Variants in PDE9A observed in about 807,000 individuals in gnomAD.
The protein encoded by PDE9A is high affinity cGMP-specific 3',5'-cyclic phosphodiesterase 9A.
A neutral mutation model predicts 87.4 loss-of-function variants in PDE9A; 60 were observed. The observed-to-expected ratio is 0.69, with a 90% confidence interval of 0.56 to 0.85. The LOEUF (loss-of-function observed/expected upper bound fraction) is 0.85. Among genes scored for constraint, PDE9A ranks in the 40% least tolerant of loss-of-function variants. The pLI is 0.00. For synonymous variants in PDE9A, 272 were observed against 279.4 expected, an observed-to-expected ratio of 0.97 and a Z score of 0.27; for missense variants, 665 against 779.0, an observed-to-expected ratio of 0.85 and a Z score of 1.74.
In PDE9A at chr21:42,744,095, G is replaced by A. The variant is rs1028055843; in HGVS notation, c.653+235G>A. Among the ~76,000 whole-genome samples, 8 of 152,358 alleles carry A rather than the reference G, an allele frequency of 5.3e-5. No homozygotes were observed. In the East Asian group the frequency reaches 1.2e-3, roughly 22 times the overall value. ...GGGCCGGGTGTGGTGGCTCACGCCT[G>A]TAATCCCAGCACTTTGGGAGGCCGA... On this transcript the variant is annotated intron_variant, in intron 8 of 19. Coordinates refer to ENST00000291539, the MANE Select transcript of PDE9A (RefSeq NM_002606.3).
chr21:42,731,694 G>A, intron 4 of PDE9A, 76 bp from the exon 5 acceptor site: 1 of 1,401,362 alleles, frequency 7.1e-7, no homozygotes, highest in South Asian at 1.3e-5. Context: ...CCCAGTAATT[G>A]CCCCCATAAA....
chr21:42,655,141 C>T (rs1288207073), intron 1 of PDE9A, among the ~76,000 whole-genome samples: 2 of 150,886 alleles, frequency 1.3e-5, no homozygotes, highest in Non-Finnish European at 2.9e-5. Flanking sequence ...CTCACACATC[C>T]ACTCACAAAC....
At chr21:42,721,464 G>T (rs989017666) in intron 4 of PDE9A, among the ~76,000 whole-genome samples, 1 of 152,212 alleles carries the variant, frequency 6.6e-6, no homozygotes, top group African/African-American at 2.4e-5. Flanking sequence ...CAATCCCTTG[G>T]CAGGCAGGAC....
rs564858622 is a variant in PDE9A, at chr21:42,760,734, C to T, written c.1003-91C>T. Reference sequence around the variant, plus strand: ...GATGGCTGCAGGGGCCTTTGTCCCCCGCTTACCACTCACCCAATTCCACCC... The same window carrying T: ...GATGGCTGCAGGGGCCTTTGTCCCCTGCTTACCACTCACCCAATTCCACCC... On this transcript the variant is annotated intron_variant, in intron 12 of 19. Coordinates refer to ENST00000291539, the MANE Select transcript of PDE9A (RefSeq NM_002606.3). The surrounding 1 kb of genome is among the most constrained non-coding windows in gnomAD (Gnocchi z 5.2). The T allele has an allele frequency of 1.6e-4, 123 of 788,696 alleles. No individual in the cohort carries two copies. Among genetic ancestry groups the T allele is most frequent in the African/African-American group, 1.6e-3 (87 of 55,946 alleles). 48.9% of individuals were successfully genotyped at this position (788,696 alleles called of 1,614,324 possible). A position where few individuals can be genotyped will look rare whatever the true frequency, so the allele number is the denominator to read the frequency against.
At chr21:42,685,462 GCA>G (rs1355538612) in intron 1 of PDE9A, among the ~76,000 whole-genome samples, 1 of 100,076 alleles carries the variant, frequency 1.0e-5, no homozygotes, top group African/African-American at 5.7e-5. Context: ...ATACCGAAAG[GCA>G]GTCTTTTTTT....
intron 7 of PDE9A, among the ~76,000 whole-genome samples, chr21:42,740,704 GTAGATAGATAGA>G (rs58108928): frequency 4.0e-4 from 54 of 133,440 alleles, no homozygotes; most frequent in South Asian, 1.0e-3. Flanking sequence ...TAGGTAGGTA[GTAGATAGATAGA>G]TAGATAGATA....
At chr21:42,749,818 C>A (rs7279886) in intron 8 of PDE9A, among the ~76,000 whole-genome samples, 100,034 of 152,170 alleles carry the variant, frequency 0.66, 33,196 homozygotes, top group East Asian at 0.86. Flanking sequence ...AGCAGACTGA[C>A]TTTGGTGCAA....
chr21:42,691,051 C>A (rs1038124330), intron 3 of PDE9A, among the ~76,000 whole-genome samples: 1 of 150,582 alleles, frequency 6.6e-6, no homozygotes, highest in Admixed American at 6.6e-5. Context: ...TATCCAGAGT[C>A]ACCAGCCCCA....
chr21:42,657,762 C>T (rs577056798), intron 1 of PDE9A, among the ~76,000 whole-genome samples: 3 of 152,352 alleles, frequency 2.0e-5, no homozygotes, highest in Non-Finnish European at 4.4e-5. Flanking sequence ...AGACTGAATG[C>T]TCCGGGGCCT....
At chr21:42,708,584 C>T (rs1289613823) in intron 4 of PDE9A, among the ~76,000 whole-genome samples, 1 of 152,122 alleles carries the variant, frequency 6.6e-6, no homozygotes, top group African/African-American at 2.4e-5. Context: ...TGAGGAGTTT[C>T]GCTCTTGTTG....
In PDE9A at chr21:42,723,602, A is replaced by T. The variant is rs1298587277; in HGVS notation, c.263-8168A>T. ...CCATGAAATCCACTCTAGCATGCAG[A>T]CTCGGGGGCACTTTTAGATATTCTA... On this transcript the variant is annotated intron_variant, in intron 4 of 19. Transcript: ENST00000291539. This position sits in a 1 kb window ranked among gnomAD's most constrained non-coding sequence, Gnocchi z 4.3. 6.6e-6 allele frequency among the ~76,000 whole-genome samples: 1 copy of T among 151,878 alleles called. No individual in the cohort carries two copies. The highest frequency in any genetic ancestry group is 2.4e-5 in the African/African-American group (1 of 41,348).
chr21:42,775,427 C>CA lies in PDE9A; in HGVS notation c.*147dup, dbSNP rs113117026. On this transcript the variant is annotated 3_prime_UTR_variant, in exon 20 of 20. Transcript: ENST00000291539. ...CTAAGAACCATTTTGTTCACTGATA[C>CA]AAAAAAAAAAAAAGGAATTCATGAT... is the stretch of plus-strand genomic sequence containing the variant. 0.05 allele frequency: 20,220 copies of CA among 402,242 alleles called. 3 individuals are homozygous for CA. Among genetic ancestry groups the CA allele is most frequent in the East Asian group, 0.061 (1,451 of 23,594 alleles). 24.9% of individuals were successfully genotyped at this position (402,242 alleles called of 1,614,324 possible). A position where few individuals can be genotyped will look rare whatever the true frequency, so the allele number is the denominator to read the frequency against.
At chr21:42,665,869 C>T (rs1292814395) in intron 1 of PDE9A, among the ~76,000 whole-genome samples, 1 of 152,128 alleles carries the variant, frequency 6.6e-6, no homozygotes, top group Non-Finnish European at 1.5e-5. Flanking sequence ...TGAAGCTTCT[C>T]CCGCGTGGCT....
intron 1 of PDE9A, among the ~76,000 whole-genome samples, chr21:42,666,192 C>A (rs1241912315): frequency 1.3e-5 from 2 of 152,144 alleles, no homozygotes; most frequent in Admixed American, 6.5e-5. Flanking sequence ...CAAGAAAGGG[C>A]GTGGCTGCAG....
intron 3 of PDE9A, among the ~76,000 whole-genome samples, chr21:42,688,961 G>A (rs1205199731): frequency 1.3e-5 from 2 of 152,018 alleles, no homozygotes; most frequent in Non-Finnish European, 2.9e-5. Flanking sequence ...GCCTCCCTCA[G>A]TGAGGTCTCA....
At chr21:42,709,663 T>TTTTG (rs892286645) in intron 4 of PDE9A, among the ~76,000 whole-genome samples, 13 of 152,148 alleles carry the variant, frequency 8.5e-5, no homozygotes, top group African/African-American at 2.6e-4. Flanking sequence ...TCAACATCAT[T>TTTTG]TTTGTTTGTT....
chr21:42,699,809 T>G (rs878967217), intron 4 of PDE9A, among the ~76,000 whole-genome samples: 5 of 152,212 alleles, frequency 3.3e-5, no homozygotes, highest in Admixed American at 3.3e-4. Flanking sequence ...TCCACCTGTC[T>G]TAGCCTCCCA....
intron 19 of PDE9A, among the ~76,000 whole-genome samples, chr21:42,774,150 A>C (rs2057313489): frequency 1.3e-5 from 2 of 152,206 alleles, no homozygotes; most frequent in African/African-American, 4.8e-5. Flanking sequence ...TAAATAAATA[A>C]ATAAACAATA....
chr21:42,688,323 A>G (rs1265374906), intron 3 of PDE9A, among the ~76,000 whole-genome samples: 2 of 152,098 alleles, frequency 1.3e-5, no homozygotes, highest in African/African-American at 4.8e-5. Flanking sequence ...CATTAACCCC[A>G]GGAAGGACCT....
Sources: gnomAD v4.1 joint callset for allele counts (sites outside exome capture counted in the v4.1 genomes callset) on GRCh38, gnomAD v4.1.1 for gene constraint, Gnocchi (gnomAD v3.1) non-coding constraint, MANE v1.5 for transcripts, NCBI Gene and HGNC (gene_info 2026-07-23, HGNC 2026-07-21) for gene names.